The following RB1CC1 variants were observed in gnomAD, a reference collection of about 807,000 sequenced individuals.
RB1CC1 encodes the protein RB1-inducible coiled-coil protein 1.
In RB1CC1, 46 loss-of-function variants were observed where a neutral mutation model predicts 177.5. The ratio of observed to expected loss-of-function variants is 0.26; its 90% CI spans 0.20 to 0.33. The LOEUF (loss-of-function observed/expected upper bound fraction) is 0.33, where lower values mean the gene tolerates loss of function less well. Ranked by LOEUF, RB1CC1 falls within the 10% of genes least tolerant of loss-of-function variation. RB1CC1 has a pLI of 1.00. For synonymous variants in RB1CC1, 666 were observed against 613.6 expected (o/e 1.09, Z -1.26); for missense variants, 1,703 against 1,816.3 (o/e 0.94, Z 1.13).
Position 52,668,014 on chromosome 8 carries a change from T to C in RB1CC1, c.1173+7A>G, listed in dbSNP as rs1852226769. On this transcript the variant is annotated splice_region_variant and intron_variant, in intron 8 of 23. Transcript: ENST00000025008. ...TCCTTTTCCTGAGAAAAGTCTAAAA[T>C]AGGTACCTGAGCAAGCTCTTTCTGT... is the stretch of plus-strand genomic sequence containing the variant. 1 of 1,605,242 alleles carries C rather than the reference T, an allele frequency of 6.2e-7. No individual in the cohort carries two copies. The highest frequency in any genetic ancestry group is 1.1e-5 in the South Asian group (1 of 89,600).
intron 1 of RB1CC1, among the ~76,000 whole-genome samples, chr8:52,695,611 T>G (rs1021391949): frequency 1.3e-5 from 2 of 152,268 alleles, no homozygotes; most frequent in South Asian, 4.1e-4. Flanking sequence ...CAAGCCATAA[T>G]AAAAACTCTG....
At chr8:52,677,297 T>C (rs1404586329) in intron 5 of RB1CC1, among the ~76,000 whole-genome samples, 1 of 151,966 alleles carries the variant, frequency 6.6e-6, no homozygotes, top group African/African-American at 2.4e-5. Flanking sequence ...AACTTAAGTA[T>C]AAAGGTATGA....
intron 23 of RB1CC1, 79 bp downstream of exon 23, chr8:52,624,638 G>C (rs1848253953): frequency 1.8e-6 from 2 of 1,141,692 alleles, no homozygotes; most frequent in Non-Finnish European, 2.6e-6. Context: ...GAACAGCAGT[G>C]GTAATGATTT....
chr8:52,698,110 T>C (rs1855612904), intron 1 of RB1CC1, among the ~76,000 whole-genome samples: 1 of 152,172 alleles, frequency 6.6e-6, no homozygotes, highest in South Asian at 2.1e-4. Context: ...GATCTCGTCC[T>C]GTCACCCAGG....
At position 52,623,616 on chromosome 8, in the gene RB1CC1, T is replaced by C. The variant is rs905356853; in HGVS notation, c.*166A>G. 1 of 661,434 alleles carries C rather than the reference T, an allele frequency of 1.5e-6. No individual in the cohort carries two copies. Among genetic ancestry groups the C allele is most frequent in the Non-Finnish European group, 2.8e-6 (1 of 358,208 alleles). The allele number at this position is 661,434 out of a possible 1,614,324, so 41.0% of individuals were successfully genotyped here. The stretch of plus-strand genomic sequence containing the variant: ...GCCAAGGATTCTGATGAATTTATTA[T>C]TCCTAAAATGAAGCCAGTTAAAAAG... On this transcript the variant is annotated 3_prime_UTR_variant, in exon 24 of 24. Transcript: ENST00000025008.
At chr8:52,702,338 C>CT (rs1461052806) in intron 1 of RB1CC1, among the ~76,000 whole-genome samples, 1 of 152,130 alleles carries the variant, frequency 6.6e-6, no homozygotes, top group African/African-American at 2.4e-5. Context: ...TTTGTGTAAT[C>CT]TAAGTCAAAG....
intron 8 of RB1CC1, among the ~76,000 whole-genome samples, chr8:52,665,704 T>C (rs1472520311): frequency 2.6e-5 from 4 of 152,268 alleles, no homozygotes; most frequent in East Asian, 1.9e-4. Flanking sequence ...CCTGTGGCTC[T>C]AGGAAAGCAG....
Position 52,680,915 on chromosome 8 carries a change from G to C in RB1CC1, c.369+2634C>G, listed in dbSNP as rs189141328. ...AACAGGGAGGATGAAAACTGATGGG[G>C]AGAAAGTCCTAAGTAGGGCTTCTGG... On this transcript the variant is annotated intron_variant, in intron 5 of 23. Coordinates refer to ENST00000025008, the MANE Select transcript of RB1CC1 (RefSeq NM_014781.5). Among the ~76,000 whole-genome samples, 328 of 152,088 alleles carry C rather than the reference G, an allele frequency of 2.2e-3. 1 individual carries two copies. Among genetic ancestry groups the C allele is most frequent in the African/African-American group, 7.4e-3 (305 of 41,488 alleles).
At chr8:52,670,535 T>A (rs571351164) in intron 7 of RB1CC1, among the ~76,000 whole-genome samples, 2 of 152,218 alleles carry the variant, frequency 1.3e-5, no homozygotes, top group African/African-American at 4.8e-5. Context: ...TTCCTTAAGA[T>A]CACAAGTTGT....
chr8:52,652,875 T>A (rs1422753302), intron 15 of RB1CC1, among the ~76,000 whole-genome samples: 2 of 151,922 alleles, frequency 1.3e-5, no homozygotes, highest in Non-Finnish European at 2.9e-5. Flanking sequence ...CTGACCAACA[T>A]GGAGAAACCC....
chr8:52,639,328 A>G (rs974483676), intron 18 of RB1CC1, among the ~76,000 whole-genome samples: 3 of 152,076 alleles, frequency 2.0e-5, no homozygotes, highest in African/African-American at 7.2e-5. Flanking sequence ...ATACATATTA[A>G]AGTCAGCTTT....
At chr8:52,704,429 G>A (rs1473278580) in intron 1 of RB1CC1, among the ~76,000 whole-genome samples, 3 of 139,992 alleles carry the variant, frequency 2.1e-5, no homozygotes, top group African/African-American at 5.3e-5. Flanking sequence ...AGAAAGAATG[G>A]ACAAGAATTC....
Position 52,714,062 on chromosome 8 carries a change from C to A in RB1CC1, c.-167+13G>T. The A allele has an allele frequency of 2.9e-6, 1 of 350,282 alleles. No individual in the cohort carries two copies. Among genetic ancestry groups the A allele is most frequent in the South Asian group, 2.0e-5 (1 of 50,812 alleles). The allele number at this position is 350,282 out of a possible 1,614,324, so 21.7% of individuals were successfully genotyped here. A position where few individuals can be genotyped will look rare whatever the true frequency, so the allele number is the denominator to read the frequency against. On this transcript the variant is annotated intron_variant, in intron 1 of 23. Transcript: ENST00000025008. ...AGATGGGGGAAGGGGACGCGGGCGGCGGCGACACTTACCCGGCAACGCCTC... is the reference window on the plus strand; with the variant it reads ...AGATGGGGGAAGGGGACGCGGGCGGAGGCGACACTTACCCGGCAACGCCTC...
intron 1 of RB1CC1, among the ~76,000 whole-genome samples, chr8:52,705,919 C>T (rs1264850508): frequency 6.6e-6 from 1 of 152,050 alleles, no homozygotes. Flanking sequence ...ACGTATTGAT[C>T]AGTACAAAAA....
At chr8:52,646,653 T>C (rs1850070337) in intron 15 of RB1CC1, among the ~76,000 whole-genome samples, 1 of 152,214 alleles carries the variant, frequency 6.6e-6, no homozygotes, top group South Asian at 2.1e-4. Context: ...AATCTACATA[T>C]TCCTGAACTC....
intron 22 of RB1CC1, among the ~76,000 whole-genome samples, chr8:52,627,457 TA>T (rs1378355474): frequency 2.6e-5 from 4 of 152,340 alleles, no homozygotes; most frequent in Non-Finnish European, 2.9e-5. Flanking sequence ...GTTTTAGTGT[TA>T]AAAATAATTC....
chr8:52,678,140 C>T (rs964161051), intron 5 of RB1CC1, among the ~76,000 whole-genome samples: 1 of 151,966 alleles, frequency 6.6e-6, no homozygotes, highest in Non-Finnish European at 1.5e-5. Context: ...TAGTATGGGC[C>T]GGGTGCAGTG....
At chr8:52,685,635 G>A (rs781227719) in intron 2 of RB1CC1, 115 bp from the exon 3 acceptor site, 32 of 422,894 alleles carry the variant, frequency 7.6e-5, no homozygotes, top group Non-Finnish European at 1.3e-4. Flanking sequence ...ATCAAAATGG[G>A]CTTTGATGTC....
At chr8:52,713,445 C>G (rs767444621) in intron 1 of RB1CC1, among the ~76,000 whole-genome samples, 4 of 152,242 alleles carry the variant, frequency 2.6e-5, no homozygotes, top group Non-Finnish European at 5.9e-5. Flanking sequence ...GCTGTGAAAT[C>G]CGCGTGCACA....
Sources: allele counts gnomAD v4.1 joint callset (sites outside exome capture counted in the v4.1 genomes callset), GRCh38; gene constraint gnomAD v4.1.1; transcripts MANE v1.5; gene names NCBI Gene and HGNC (gene_info 2026-07-23, HGNC 2026-07-21).